The following WWC1 variants were observed in gnomAD, a reference collection of about 807,000 sequenced individuals.
WWC1 encodes protein KIBRA.
A neutral mutation model predicts 138.4 loss-of-function variants in WWC1; 55 were observed. The observed-to-expected ratio is 0.40, with a 90% confidence interval of 0.32 to 0.50. The LOEUF (loss-of-function observed/expected upper bound fraction) is 0.50, where lower values mean the gene tolerates loss of function less well. Ranked by LOEUF, WWC1 falls within the 20% of genes least tolerant of loss-of-function variation. WWC1 has a pLI of 0.72. For missense variants in WWC1, 1,226 were observed against 1,420.4 expected, an observed-to-expected ratio of 0.86 and a Z score of 2.20; for synonymous variants, 524 against 564.9, an observed-to-expected ratio of 0.93 and a Z score of 1.03.
intron 2 of WWC1, among the ~76,000 whole-genome samples, chr5:168,374,839 G>A (rs539175809): frequency 1.3e-5 from 2 of 152,186 alleles, no homozygotes; most frequent in South Asian, 4.1e-4. Context: ...AATGGTCAGG[G>A]TGAAGATTGG....
intron 11 of WWC1, among the ~76,000 whole-genome samples, chr5:168,424,560 C>T (rs1483013290): frequency 6.6e-6 from 1 of 152,124 alleles, no homozygotes; most frequent in East Asian, 1.9e-4. Context: ...ACTGCCAGGG[C>T]AGGTTGGGTT....
intron 5 of WWC1, among the ~76,000 whole-genome samples, chr5:168,401,306 C>G (rs1004552697): frequency 3.9e-5 from 6 of 152,166 alleles, no homozygotes; most frequent in Admixed American, 2.0e-4. Context: ...GCAAGACACT[C>G]GGCAGATTTC....
Position 168,355,928 on chromosome 5 carries a change from G to GAGAA in WWC1, c.120-15493_120-15492insAAGA, listed in dbSNP as rs1775373826. On this transcript the variant is annotated intron_variant, in intron 1 of 22. Coordinates refer to ENST00000265293, the MANE Select transcript of WWC1 (RefSeq NM_015238.3). ...AGGGAAGGAACAAGAGAGAGAAAGA[G>GAGAA]AGACGGGGAGCCAGAGAGACGGAGA... is the stretch of plus-strand genomic sequence containing the variant. Among the ~76,000 whole-genome samples the GAGAA allele has an allele frequency of 2.0e-5, 3 of 149,288 alleles. No homozygotes were observed. In the South Asian group the frequency reaches 6.5e-4, roughly 33 times the overall value.
At chr5:168,434,376 G>A (rs1782185805) in intron 15 of WWC1, among the ~76,000 whole-genome samples, 1 of 151,882 alleles carries the variant, frequency 6.6e-6, no homozygotes, top group South Asian at 2.1e-4. Context: ...AAAAAGGCCT[G>A]TCCTCTCCCA....
chr5:168,366,318 T>A (rs1243615535), intron 1 of WWC1, among the ~76,000 whole-genome samples: 1 of 152,252 alleles, frequency 6.6e-6, no homozygotes, highest in Non-Finnish European at 1.5e-5. Context: ...AGAATCTTGC[T>A]GTCCAGATTT....
intron 19 of WWC1, among the ~76,000 whole-genome samples, chr5:168,455,785 CT>C (rs753795981): frequency 6.6e-6 from 1 of 152,124 alleles, no homozygotes; most frequent in Non-Finnish European, 1.5e-5. Context: ...ACACTCTGCC[CT>C]GCCCTCCTGC....
chr5:168,351,379 C>T (rs1774943111), intron 1 of WWC1, among the ~76,000 whole-genome samples: 1 of 152,162 alleles, frequency 6.6e-6, no homozygotes, highest in African/African-American at 2.4e-5. Flanking sequence ...AAGTGCACCT[C>T]ATAAAGTCAT....
chr5:168,306,179 G>A (rs181221364), intron 1 of WWC1, among the ~76,000 whole-genome samples: 41 of 152,222 alleles, frequency 2.7e-4, no homozygotes, highest in African/African-American at 9.4e-4. Context: ...GGGCAGATAT[G>A]TGAGGTCAGG....
At chr5:168,357,303 T>TACACACACACACACAC (rs3083619) in intron 1 of WWC1, among the ~76,000 whole-genome samples, 5 of 145,234 alleles carry the variant, frequency 3.4e-5, no homozygotes, top group African/African-American at 1.3e-4. Context: ...CTTTCTCTCT[T>TACACACACACACACAC]ACACACACAC....
intron 1 of WWC1, among the ~76,000 whole-genome samples, chr5:168,295,468 T>C (rs1769455194): frequency 6.9e-6 from 1 of 144,670 alleles, no homozygotes; most frequent in African/African-American, 2.7e-5. Flanking sequence ...AAAATTGCAC[T>C]AAAAATTTCT....
Position 168,371,502 on chromosome 5 carries a change from G to T in WWC1, c.198G>T (p.Gln66His). ...PLGWEEAYDP[Q>H]VGDYFIDHNT... ...GATGGGAAGAGGCATATGACCCACA[G>T]GTTGGAGATTACTTCATAGACCACA... The change falls in exon 2 of 23, where the codon CAG becomes CAT. Residue 66 changes from glutamine (Q) to histidine (H), a missense_variant. Physicochemically the swap from Gln to His is conservative, Grantham distance 24 (BLOSUM62 0). Around this residue, in one of 3 missense-constraint regions of WWC1, gnomAD observed 1,016 missense variants for 1,153.9 expected, o/e 0.88. Coordinates refer to ENST00000265293, the MANE Select transcript of WWC1 (RefSeq NM_015238.3). The T allele has an allele frequency of 6.2e-7, 1 of 1,614,038 alleles. No homozygotes were observed. The highest frequency in any genetic ancestry group is 8.5e-7 in the Non-Finnish European group (1 of 1,179,994).
chr5:168,397,287 C>T (rs1031873121), intron 3 of WWC1, among the ~76,000 whole-genome samples: 2 of 152,014 alleles, frequency 1.3e-5, no homozygotes, highest in Admixed American at 6.6e-5. Context: ...GGACTACAGG[C>T]GCCCACCACC....
rs1350556900 is a variant in WWC1, at chr5:168,441,827, C to T, written c.2426C>T (p.Ala809Val). 17 of 1,613,284 alleles carry T rather than the reference C, an allele frequency of 1.1e-5. No individual in the cohort carries two copies. Among genetic ancestry groups the T allele is most frequent in the Non-Finnish European group, 1.4e-5 (16 of 1,179,704 alleles). Reference sequence around the variant, plus strand: ...GTCATGGCCCCTGCCTCAGGGCCTGCCAGCACGGTGAGCTGGGACCAGGTG... The same window carrying T: ...GTCATGGCCCCTGCCTCAGGGCCTGTCAGCACGGTGAGCTGGGACCAGGTG... ...VGVMAPASGP[A>V]STDAVSALLE... The change falls in exon 16 of 23, where the codon GCC (alanine) becomes GTC (valine). Residue 809 changes from alanine (A) to valine (V), a missense_variant. By Grantham distance (64) the Ala-to-Val change is moderately conservative. Coordinates refer to ENST00000265293, the MANE Select transcript of WWC1 (RefSeq NM_015238.3).
At position 168,414,479 on chromosome 5, in the gene WWC1, G is replaced by C; in HGVS notation, c.1073G>C (p.Ser358Thr). Residue 358 changes from serine (S) to threonine (T), a missense_variant, in exon 9 of 23, where the codon AGC becomes ACC. By Grantham distance (58) the Ser-to-Thr change is moderately conservative. Transcript: ENST00000265293. ...EELLKEMRFI[S>T]PRKWTQGEVE... The stretch of plus-strand genomic sequence containing the variant: ...CTGCTGAAGGAGATGCGCTTCATCA[G>C]CCCCCGCAAGTGGACCCAGGGGGAG... The C allele has an allele frequency of 6.4e-7, 1 of 1,563,824 alleles. No homozygotes were observed. The highest frequency in any genetic ancestry group is 1.9e-5 in the Admixed American group (1 of 52,250).
Position 168,388,603 on chromosome 5 carries a change from G to A in WWC1, c.433+3189G>A, listed in dbSNP as rs183833207. Among the ~76,000 whole-genome samples the A allele has an allele frequency of 1.1e-4, 17 of 152,278 alleles. No individual in the cohort carries two copies. The East Asian group carries it at 1.2e-3, about 10-fold the overall frequency. On this transcript the variant is annotated intron_variant, in intron 3 of 22. Coordinates refer to ENST00000265293, the MANE Select transcript of WWC1 (RefSeq NM_015238.3). The stretch of plus-strand genomic sequence containing the variant: ...CCAGCAATTTGGGAGGCCGAGGTAG[G>A]TGGATCAATTGAGGTCAGGAGTTTG...
At chr5:168,314,271 GTA>G (rs1346392654) in intron 1 of WWC1, among the ~76,000 whole-genome samples, 1 of 152,174 alleles carries the variant, frequency 6.6e-6, no homozygotes, top group Non-Finnish European at 1.5e-5. Context: ...CCTGGGAGAA[GTA>G]TTGATGTGAG....
At chr5:168,384,804 C>G (rs955287261) in intron 2 of WWC1, among the ~76,000 whole-genome samples, 9 of 151,430 alleles carry the variant, frequency 5.9e-5, no homozygotes, top group Non-Finnish European at 1.2e-4. Flanking sequence ...TGCAACCTCC[C>G]CCTCCTGGGT....
chr5:168,431,476 GGC>G, intron 15 of WWC1, 32 bp downstream of exon 15: 3 of 1,525,636 alleles, frequency 2.0e-6, no homozygotes, highest in Non-Finnish European at 2.7e-6. Context: ...CTGGCTGGCT[GGC>G]TGGCTGGCTG....
intron 15 of WWC1, among the ~76,000 whole-genome samples, chr5:168,434,660 T>G (rs756824039): frequency 6.6e-6 from 1 of 152,200 alleles, no homozygotes; most frequent in Non-Finnish European, 1.5e-5. Context: ...CTCACCATGC[T>G]ACTTCTCAGG....
Sources: allele counts gnomAD v4.1 joint callset (sites outside exome capture counted in the v4.1 genomes callset), GRCh38; gene constraint gnomAD v4.1.1; regional missense constraint gnomAD v4.1.1; transcripts MANE v1.5; gene names NCBI Gene and HGNC (gene_info 2026-07-23, HGNC 2026-07-21).